Variants in POM121C observed in about 807,000 individuals in gnomAD.
POM121C encodes the protein nuclear envelope pore membrane protein POM 121C.
A neutral mutation model predicts 66.4 loss-of-function variants in POM121C; 20 were observed. The observed-to-expected ratio is 0.30, with a 90% confidence interval of 0.21 to 0.44. POM121C has a LOEUF of 0.44. POM121C is among the 20% of genes least tolerant of loss of function. The pLI, the probability that POM121C is intolerant of heterozygous loss-of-function variation, is 1.00. For missense variants in POM121C, 580 were observed against 1,225.7 expected, an observed-to-expected ratio of 0.47 and a Z score of 7.87; for synonymous variants, 286 against 528.0, an observed-to-expected ratio of 0.54 and a Z score of 6.28.
chr7:75,486,114 G>A lies in POM121C; in HGVS notation c.-708C>T. The stretch of plus-strand genomic sequence containing the variant: ...CGCCGGCTCCGGGGTTCACGCTCGG[G>A]GGTCCCAGCTCGAGCCTCTACCCGG... On this transcript the variant is annotated 5_prime_UTR_variant, in exon 1 of 15. Transcript: ENST00000615331. 1 of 354,806 alleles carries A rather than the reference G, an allele frequency of 2.8e-6. No homozygotes were observed. Among genetic ancestry groups the A allele is most frequent in the Non-Finnish European group, 5.4e-6 (1 of 185,628 alleles). The allele number at this position is 354,806 out of a possible 1,614,324, so 22.0% of individuals were successfully genotyped here.
chr7:75,430,382 A>C (rs1790119405), intron 7 of POM121C, among the ~76,000 whole-genome samples: 1 of 152,218 alleles, frequency 6.6e-6, no homozygotes, highest in African/African-American at 2.4e-5. Flanking sequence ...TAAATTAGAC[A>C]AAGGCAGTGC....
At chr7:75,458,637 G>A (rs1584694642) in intron 3 of POM121C, among the ~76,000 whole-genome samples, 1 of 152,372 alleles carries the variant, frequency 6.6e-6, no homozygotes, top group Middle Eastern at 3.4e-3. Context: ...TAGAACCAGA[G>A]CCCTGCTGGC....
At position 75,433,823 on chromosome 7, in the gene POM121C, C is replaced by CA. The variant is rs587700017; in HGVS notation, c.480+3691dup. Among the ~76,000 whole-genome samples, 137 of 152,302 alleles carry CA rather than the reference C, an allele frequency of 9.0e-4. 3 individuals carry two copies. The South Asian group carries it at 0.028, about 31-fold the overall frequency. On this transcript the variant is annotated intron_variant, in intron 7 of 14. Coordinates refer to ENST00000615331, the MANE Select transcript of POM121C (RefSeq NM_001099415.3). ...ACTTACACCAATACTGTAAGTTATT[C>CA]AACCAGCTCCCTGAAAAGATAACAT...
At chr7:75,437,151 C>T (rs1334284125) in intron 7 of POM121C, among the ~76,000 whole-genome samples, 2 of 152,218 alleles carry the variant, frequency 1.3e-5, no homozygotes, top group African/African-American at 2.4e-5. Context: ...CGAATCAGCT[C>T]GCACACATGC....
Position 75,417,424 on chromosome 7 carries a change from A to G in POM121C, c.*1372T>C, listed in dbSNP as rs1346394798. On this transcript the variant is annotated 3_prime_UTR_variant, in exon 15 of 15. Coordinates refer to ENST00000615331, the MANE Select transcript of POM121C (RefSeq NM_001099415.3). ...AAGGCAATTTAGCTTAAATACAAAA[A>G]TAAATTTTTGTTAAAAAACGTTTAA... The G allele has an allele frequency of 1.1e-6, 1 of 911,812 alleles. No homozygotes were observed. The highest frequency in any genetic ancestry group is 1.3e-6 in the Non-Finnish European group (1 of 762,374). 56.5% of individuals were successfully genotyped at this position (911,812 alleles called of 1,614,324 possible). A position where few individuals can be genotyped will look rare whatever the true frequency, so the allele number is the denominator to read the frequency against.
intron 3 of POM121C, among the ~76,000 whole-genome samples, chr7:75,449,796 G>A (rs587756414): frequency 2.7e-4 from 41 of 152,090 alleles, no homozygotes; most frequent in African/African-American, 8.2e-4. Context: ...CAGGCAGATC[G>A]CCTGAAGTTA....
chr7:75,473,977 C>T (rs587743760), intron 3 of POM121C, among the ~76,000 whole-genome samples: 38 of 152,142 alleles, frequency 2.5e-4, no homozygotes, highest in African/African-American at 8.4e-4. Flanking sequence ...CGTTAGCCAC[C>T]GCGCCCGGCC....
intron 7 of POM121C, among the ~76,000 whole-genome samples, chr7:75,432,484 T>C (rs1309984566): frequency 6.6e-6 from 1 of 152,102 alleles, no homozygotes; most frequent in African/African-American, 2.4e-5. Flanking sequence ...TTTCCATCTA[T>C]ATAAAATTGA....
chr7:75,418,924 C>A (rs1363545071), intron 14 of POM121C, 31 bp from the exon 15 acceptor site: 1 of 1,564,344 alleles, frequency 6.4e-7, no homozygotes, highest in African/African-American at 1.4e-5. Context: ...CTCATCAGGG[C>A]AGCTGCTACC....
chr7:75,441,596 A>G lies in POM121C; in HGVS notation c.-100T>C. 5 of 1,598,810 alleles carry G rather than the reference A, an allele frequency of 3.1e-6. No individual in the cohort carries two copies. The highest frequency in any genetic ancestry group is 1.7e-4 in the Middle Eastern group (1 of 6,032). ...AGGAATACTGGGTCTGATGGATCGG[A>G]TAGCGTCTTCGAGGTGTTATTACAA... is the stretch of plus-strand genomic sequence containing the variant. On this transcript the variant is annotated 5_prime_UTR_variant, in exon 4 of 15. Coordinates refer to ENST00000615331, the MANE Select transcript of POM121C (RefSeq NM_001099415.3).
At chr7:75,470,000 T>C (rs1791808738) in intron 3 of POM121C, among the ~76,000 whole-genome samples, 1 of 152,244 alleles carries the variant, frequency 6.6e-6, no homozygotes. Flanking sequence ...AGTGTCTTGC[T>C]CTGTTGCCCA....
chr7:75,484,380 A>T (rs1453094769), intron 1 of POM121C: 1 of 588,122 alleles, frequency 1.7e-6, no homozygotes, highest in Non-Finnish European at 3.1e-6. Context: ...CTCAACCTGC[A>T]AACACTCAGA....
chr7:75,465,716 G>A (rs1349745409), intron 3 of POM121C, among the ~76,000 whole-genome samples: 6 of 147,254 alleles, frequency 4.1e-5, no homozygotes, highest in African/African-American at 1.5e-4. Context: ...TTGTGCCACT[G>A]CACTCCAGCC....
At chr7:75,431,534 T>A (rs587716227) in intron 7 of POM121C, among the ~76,000 whole-genome samples, 130 of 116,646 alleles carry the variant, frequency 1.1e-3, no homozygotes, top group African/African-American at 4.2e-3. Flanking sequence ...ACCCAGGAGG[T>A]GGAGGTTGCC....
chr7:75,438,543 T>C (rs182057741), intron 6 of POM121C, among the ~76,000 whole-genome samples: 19 of 152,330 alleles, frequency 1.2e-4, no homozygotes, highest in Non-Finnish European at 1.9e-4. Flanking sequence ...TGGGAATGAA[T>C]TTCCGTTTGT....
At position 75,485,581 on chromosome 7, in the gene POM121C, G is replaced by A. The variant is rs766006454; in HGVS notation, c.-458+283C>T. Among the ~76,000 whole-genome samples, 299 of 152,304 alleles carry A rather than the reference G, an allele frequency of 2.0e-3. 1 individual carries two copies. Among genetic ancestry groups the A allele is most frequent in the Non-Finnish European group, 3.0e-3 (207 of 68,030 alleles). On this transcript the variant is annotated intron_variant, in intron 1 of 14. Coordinates refer to ENST00000615331, the MANE Select transcript of POM121C (RefSeq NM_001099415.3). ...GGACGTTTAGAGGCGGTCGAAATCT[G>A]GAGCACGGAGAGGAGGAGGAAGGAC...
intron 3 of POM121C, among the ~76,000 whole-genome samples, chr7:75,448,250 A>G (rs2116438248): frequency 1.3e-5 from 2 of 152,014 alleles, no homozygotes; most frequent in South Asian, 4.2e-4. Flanking sequence ...CAAATAAATA[A>G]AAAGCTGAAA....
At chr7:75,476,303 A>G (rs1792073878) in intron 1 of POM121C, among the ~76,000 whole-genome samples, 1 of 151,768 alleles carries the variant, frequency 6.6e-6, no homozygotes, top group African/African-American at 2.4e-5. Flanking sequence ...AAAAAAAAAA[A>G]AAAGAAAAAT....
Position 75,422,056 on chromosome 7 carries a change from A to G in POM121C, c.2196T>C (p.Phe732=), listed in dbSNP as rs1554470791. The G allele has an allele frequency of 6.2e-7, 1 of 1,611,784 alleles. No homozygotes were observed. The highest frequency in any genetic ancestry group is 2.2e-5 in the East Asian group (1 of 44,828). Reference sequence around the variant, plus strand: ...CCGGGGCCGGGGCTGCAGAGTTTCCAAAAGTGAAAGAGCTGCCAAAGCTGG... The same window carrying G: ...CCGGGGCCGGGGCTGCAGAGTTTCCGAAAGTGAAAGAGCTGCCAAAGCTGG... ...LTPSFGSSFT[F]GNSAAPAPAT... Residue 732 remains phenylalanine (F), a synonymous_variant, in exon 13 of 15, where the codon TTT becomes TTC. Transcript: ENST00000615331.
Sources: gnomAD v4.1 joint callset for allele counts (sites outside exome capture counted in the v4.1 genomes callset) on GRCh38, gnomAD v4.1.1 for gene constraint, MANE v1.5 for transcripts, NCBI Gene and HGNC (gene_info 2026-07-23, HGNC 2026-07-21) for gene names.